Variants in PBX1 observed in about 807,000 individuals in gnomAD.
PBX1 encodes the protein pre-B-cell leukemia transcription factor 1.
PBX1 carries 6 observed loss-of-function variants against 53.4 expected under a neutral mutation model. The ratio of observed to expected loss-of-function variants is 0.11; its 90% CI spans 0.06 to 0.22. The LOEUF is 0.22. PBX1 is among the 10% of genes least tolerant of loss of function. The pLI is 1.00. For synonymous variants in PBX1, 204 were observed against 212.3 expected (o/e 0.96, Z 0.34); for missense variants, 251 against 551.4 (o/e 0.46, Z 5.46).
chr1:164,687,009 T>C (rs1341419513), intron 2 of PBX1, among the ~76,000 whole-genome samples: 1 of 151,626 alleles, frequency 6.6e-6, no homozygotes, highest in Non-Finnish European at 1.5e-5. Context: ...GAGTGATGCA[T>C]TGACCTTTCG....
rs141821167 is a variant in PBX1, at chr1:164,664,504, T to C, written c.265+101193T>C. Among the ~76,000 whole-genome samples, 1,085 of 152,294 alleles carry C rather than the reference T, an allele frequency of 7.1e-3. 13 individuals are homozygous for C. Among genetic ancestry groups the C allele is most frequent in the African/African-American group, 0.025 (1,037 of 41,554 alleles). On this transcript the variant is annotated intron_variant, in intron 2 of 8. Coordinates refer to ENST00000420696, the MANE Select transcript of PBX1 (RefSeq NM_002585.4). ...AAACCAAAACTGACCATACCAAAAC[T>C]AGTCACAATATCAACTGGCACAATG... is the stretch of plus-strand genomic sequence containing the variant.
At chr1:164,870,226 C>CTTCCTTCA (rs1672321695) in intron 2 of PBX1, among the ~76,000 whole-genome samples, 1 of 34,704 alleles carries the variant, frequency 2.9e-5, no homozygotes, top group Non-Finnish European at 6.0e-5. Context: ...TCTTTCCTTC[C>CTTCCTTCA]TTCCTTCCTT....
At position 164,720,691 on chromosome 1, in the gene PBX1, A is replaced by T. The variant is rs542844287; in HGVS notation, c.266-71803A>T. ...TGCCAGTGACCAAACCGGGGGCTCAAGTGAAGAAATATTATCATTAGACCT... is the reference window on the plus strand; with the variant it reads ...TGCCAGTGACCAAACCGGGGGCTCATGTGAAGAAATATTATCATTAGACCT... On this transcript the variant is annotated intron_variant, in intron 2 of 8. Coordinates refer to ENST00000420696, the MANE Select transcript of PBX1 (RefSeq NM_002585.4). Among the ~76,000 whole-genome samples the T allele has an allele frequency of 2.6e-5, 4 of 152,314 alleles. No homozygotes were observed. The South Asian group carries it at 8.3e-4, about 32-fold the overall frequency.
intron 2 of PBX1, among the ~76,000 whole-genome samples, chr1:164,714,169 G>A (rs1663958376): frequency 6.6e-6 from 1 of 152,094 alleles, no homozygotes; most frequent in African/African-American, 2.4e-5. Flanking sequence ...AATGATTTTG[G>A]TTAATGCTCT....
At chr1:164,838,173 T>A (rs1446882436) in intron 8 of PBX1, among the ~76,000 whole-genome samples, 1 of 152,152 alleles carries the variant, frequency 6.6e-6, no homozygotes, top group African/African-American at 2.4e-5. Context: ...AAGATAAAAT[T>A]CAAGGTAGTA....
intron 2 of PBX1, among the ~76,000 whole-genome samples, chr1:164,867,853 A>T (rs2102449842): frequency 6.6e-6 from 1 of 152,362 alleles, no homozygotes; most frequent in East Asian, 1.9e-4. Flanking sequence ...CTTTTGCAGG[A>T]AATTAACTGT....
chr1:164,772,324 C>G (rs61802573), intron 2 of PBX1, among the ~76,000 whole-genome samples: 93 of 152,070 alleles, frequency 6.1e-4, no homozygotes, highest in Non-Finnish European at 1.2e-3. Flanking sequence ...ATTTTAAATC[C>G]TAGCCAAAGG....
intron 2 of PBX1, among the ~76,000 whole-genome samples, chr1:164,629,984 C>CA (rs1658306961): frequency 6.6e-6 from 1 of 151,914 alleles, no homozygotes; most frequent in Admixed American, 6.6e-5. Flanking sequence ...ATGAGTATGC[C>CA]AAAAATCACA....
Position 164,806,215 on chromosome 1 carries a change from T to G in PBX1, c.702-1327T>G, listed in dbSNP as rs573459204. Reference sequence around the variant, plus strand: ...CAACTCCCTCAACTATCCACAGGCCTTCATTGTCAGGAAGCAATAAAGTGA... The same window carrying G: ...CAACTCCCTCAACTATCCACAGGCCGTCATTGTCAGGAAGCAATAAAGTGA... On this transcript the variant is annotated intron_variant, in intron 4 of 8. Transcript: ENST00000420696. 1.3e-3 allele frequency among the ~76,000 whole-genome samples: 198 copies of G among 152,330 alleles called. 1 individual carries two copies. Among genetic ancestry groups the G allele is most frequent in the Non-Finnish European group, 2.6e-3 (175 of 68,034 alleles).
chr1:164,665,823 T>C (rs1343316219), intron 2 of PBX1, among the ~76,000 whole-genome samples: 1 of 152,170 alleles, frequency 6.6e-6, no homozygotes, highest in African/African-American at 2.4e-5. Flanking sequence ...TTGAGTCCCC[T>C]AAATTAAACT....
chr1:164,629,124 G>C (rs948961238), intron 2 of PBX1, among the ~76,000 whole-genome samples: 1 of 152,058 alleles, frequency 6.6e-6, no homozygotes, highest in Non-Finnish European at 1.5e-5. Context: ...TTTGCTCGAG[G>C]CTCTGTTTAT....
At chr1:164,883,269 C>T (rs1468702207) in intron 2 of PBX1, among the ~76,000 whole-genome samples, 1 of 152,124 alleles carries the variant, frequency 6.6e-6, no homozygotes, top group Non-Finnish European at 1.5e-5. Context: ...TTATTAGCGC[C>T]TCTCACCCAT....
In PBX1 at chr1:164,850,399, T is replaced by C. The variant is rs1031552058; in HGVS notation, c.*3723T>C. ...ATAATAGGTACAACCTAACACATTA[T>C]TATGTTTATTAACTTTGAGACCCAG... On this transcript the variant is annotated 3_prime_UTR_variant, in exon 9 of 9. Coordinates refer to ENST00000420696, the MANE Select transcript of PBX1 (RefSeq NM_002585.4). The C allele has an allele frequency of 4.8e-6, 1 of 207,638 alleles. No individual in the cohort carries two copies. The highest frequency in any genetic ancestry group is 2.3e-5 in the African/African-American group (1 of 43,946). The allele number at this position is 207,638 out of a possible 1,614,324, so 12.9% of individuals were successfully genotyped here.
chr1:164,834,140 C>G (rs923645228), intron 8 of PBX1, among the ~76,000 whole-genome samples: 2 of 150,636 alleles, frequency 1.3e-5, no homozygotes, highest in African/African-American at 4.9e-5. Flanking sequence ...GCTGTTATCT[C>G]TGTGGCCTTG....
At chr1:164,790,744 G>A (rs1007811799) in intron 2 of PBX1, among the ~76,000 whole-genome samples, 3 of 152,196 alleles carry the variant, frequency 2.0e-5, no homozygotes, top group Non-Finnish European at 4.4e-5. Context: ...CAACGTTCAG[G>A]GTTGGTTCTT....
chr1:164,723,891 G>A (rs923965997), intron 2 of PBX1, among the ~76,000 whole-genome samples: 1 of 152,146 alleles, frequency 6.6e-6, no homozygotes, highest in African/African-American at 2.4e-5. Context: ...TGAGAAGAAG[G>A]GCCAGAGCCC....
rs1487682176 is a variant in PBX1 at position 164,663,156 on chromosome 1, G to GCCTT, written c.265+99848_265+99849insTCCT. ...TGCCTACCTTTCTGCCTGCCTTCTT[G>GCCTT]CCTGCCTGCCTTCCTTCCTGCCTTC... On this transcript the variant is annotated intron_variant, in intron 2 of 8. Coordinates refer to ENST00000420696, the MANE Select transcript of PBX1 (RefSeq NM_002585.4). Among the ~76,000 whole-genome samples the GCCTT allele has an allele frequency of 4.3e-3, 620 of 144,330 alleles. 5 individuals are homozygous for GCCTT. Among genetic ancestry groups the GCCTT allele is most frequent in the African/African-American group, 0.015 (581 of 39,694 alleles). The allele number at this position is 144,330 out of a possible 152,430, so 94.7% of individuals were successfully genotyped here. A position where few individuals can be genotyped will look rare whatever the true frequency, so the allele number is the denominator to read the frequency against.
intron 2 of PBX1, among the ~76,000 whole-genome samples, chr1:164,697,512 A>G (rs1662863408): frequency 1.3e-5 from 2 of 152,202 alleles, no homozygotes; most frequent in Non-Finnish European, 1.5e-5. Context: ...TCTCTTCACT[A>G]AATTATAAAC....
chr1:164,653,595 A>C (rs1319585404), intron 2 of PBX1, among the ~76,000 whole-genome samples: 1 of 152,120 alleles, frequency 6.6e-6, no homozygotes, highest in Non-Finnish European at 1.5e-5. Context: ...CAACGTGGTG[A>C]AACCCCGTCT....
Sources: allele counts gnomAD v4.1 joint callset (sites outside exome capture counted in the v4.1 genomes callset), GRCh38; gene constraint gnomAD v4.1.1; transcripts MANE v1.5; gene names NCBI Gene and HGNC (gene_info 2026-07-23, HGNC 2026-07-21).